PLCL1: variants seen among roughly 807,000 people sequenced by gnomAD.
The protein encoded by PLCL1 is inactive phospholipase C-like protein 1.
Under a neutral mutation model 84.4 loss-of-function variants are expected in PLCL1, and 41 were observed. That is an observed-to-expected ratio of 0.49 (90% confidence interval 0.38 to 0.63). The LOEUF (loss-of-function observed/expected upper bound fraction) is 0.63. Among genes scored for constraint, PLCL1 ranks in the 30% least tolerant of loss-of-function variants. PLCL1 has a pLI of 0.00. For synonymous variants in PLCL1, 490 were observed against 488.3 expected, an observed-to-expected ratio of 1.00 and a Z score of -0.05; for missense variants, 1,206 against 1,367.8, an observed-to-expected ratio of 0.88 and a Z score of 1.87.
At chr2:198,087,064 A>G (rs538403823) in intron 2 of PLCL1, among the ~76,000 whole-genome samples, 297 of 152,330 alleles carry the variant, frequency 1.9e-3, no homozygotes, top group Non-Finnish European at 3.3e-3. Context: ...AACAAAAAAA[A>G]TTGGCACTCA....
At chr2:197,865,294 T>C (rs2105698240) in intron 1 of PLCL1, among the ~76,000 whole-genome samples, 1 of 152,264 alleles carries the variant, frequency 6.6e-6, no homozygotes, top group South Asian at 2.1e-4. Context: ...AGGTTGTATA[T>C]TATAAGGAGC....
intron 1 of PLCL1, among the ~76,000 whole-genome samples, chr2:197,951,594 T>C (rs1440517499): frequency 6.6e-6 from 1 of 152,200 alleles, no homozygotes; most frequent in Non-Finnish European, 1.5e-5. Flanking sequence ...GCATACCTCC[T>C]GTAGTTTGAG....
At chr2:198,121,571 C>T (rs1693867896) in intron 5 of PLCL1, among the ~76,000 whole-genome samples, 1 of 151,908 alleles carries the variant, frequency 6.6e-6, no homozygotes, top group Non-Finnish European at 1.5e-5. Context: ...CTGTCTCTTC[C>T]CCATTGTATG....
intron 1 of PLCL1, among the ~76,000 whole-genome samples, chr2:198,060,894 T>C (rs1006580289): frequency 6.6e-6 from 1 of 152,184 alleles, no homozygotes; most frequent in African/African-American, 2.4e-5. Context: ...AATCGGATTG[T>C]CTCAGGATCA....
intron 1 of PLCL1, among the ~76,000 whole-genome samples, chr2:197,850,289 C>T (rs1399958376): frequency 2.0e-5 from 3 of 152,186 alleles, no homozygotes; most frequent in South Asian, 4.1e-4. Flanking sequence ...ACCATTTCCC[C>T]TTGTCCCAAG....
chr2:197,923,902 TC>T lies in PLCL1; in HGVS notation c.240+118566del, dbSNP rs559297352. ...TGAGTGAACGAGACTCCGTCTGCAA[TC>T]CCGGCACCTCGGGAGGCCAAGGCTG... is the stretch of plus-strand genomic sequence containing the variant. On this transcript the variant is annotated intron_variant, in intron 1 of 5. Transcript: ENST00000428675. Among the ~76,000 whole-genome samples, 367 of 151,254 alleles carry T rather than the reference TC, an allele frequency of 2.4e-3. 1 individual carries two copies. Among genetic ancestry groups the T allele is most frequent in the African/African-American group, 8.5e-3 (350 of 41,364 alleles).
At chr2:197,965,492 TC>T (rs2105792926) in intron 1 of PLCL1, among the ~76,000 whole-genome samples, 1 of 152,194 alleles carries the variant, frequency 6.6e-6, no homozygotes, top group South Asian at 2.1e-4. Flanking sequence ...TTGTTTTTAA[TC>T]TTTTCAAAAA....
chr2:198,143,401 C>A (rs1694435730), intron 5 of PLCL1, among the ~76,000 whole-genome samples: 1 of 152,170 alleles, frequency 6.6e-6, no homozygotes. Context: ...TCACAGGTCA[C>A]AGGGACTGGT....
chr2:198,034,908 C>T (rs770460356), intron 1 of PLCL1, among the ~76,000 whole-genome samples: 12 of 152,098 alleles, frequency 7.9e-5, no homozygotes, highest in Non-Finnish European at 1.6e-4. Context: ...TTGGGTTAAT[C>T]TGATGTTGTT....
chr2:197,837,151 T>C (rs1228054488), intron 1 of PLCL1, among the ~76,000 whole-genome samples: 2 of 152,170 alleles, frequency 1.3e-5, no homozygotes, highest in Non-Finnish European at 2.9e-5. Flanking sequence ...GTTCAGAAGG[T>C]CAGAGTCATG....
chr2:197,817,646 C>T (rs747438151), intron 1 of PLCL1, among the ~76,000 whole-genome samples: 3 of 151,944 alleles, frequency 2.0e-5, no homozygotes, highest in Non-Finnish European at 4.4e-5. Context: ...CCAGAGACAT[C>T]GTCATCAAAG....
At chr2:198,137,989 T>C (rs1480111109) in intron 5 of PLCL1, among the ~76,000 whole-genome samples, 1 of 151,990 alleles carries the variant, frequency 6.6e-6, no homozygotes, top group African/African-American at 2.4e-5. Context: ...TGGCATTTAG[T>C]GGAAACAGAC....
chr2:197,930,796 A>T (rs1387676931), intron 1 of PLCL1, among the ~76,000 whole-genome samples: 2 of 152,210 alleles, frequency 1.3e-5, no homozygotes, highest in East Asian at 1.9e-4. Flanking sequence ...TTTTATTAAT[A>T]ACATTTTTAA....
At chr2:198,044,914 G>GT in intron 1 of PLCL1, among the ~76,000 whole-genome samples, 1 of 152,112 alleles carries the variant, frequency 6.6e-6, no homozygotes, top group Non-Finnish European at 1.5e-5. Flanking sequence ...AAGCAAAGGT[G>GT]TTAGAAGTAG....
chr2:197,988,300 G>A (rs141223112), intron 1 of PLCL1, among the ~76,000 whole-genome samples: 190 of 152,260 alleles, frequency 1.2e-3, no homozygotes, highest in African/African-American at 4.2e-3. Flanking sequence ...TTGTATAGTG[G>A]TGAAGTCTGA....
intron 1 of PLCL1, among the ~76,000 whole-genome samples, chr2:197,970,482 T>G (rs1456655314): frequency 2.0e-5 from 3 of 152,222 alleles, no homozygotes; most frequent in Non-Finnish European, 4.4e-5. Context: ...GGAGATATAC[T>G]ATAAGTGTAA....
chr2:197,824,361 C>CT (rs912795237), intron 1 of PLCL1, among the ~76,000 whole-genome samples: 96 of 147,830 alleles, frequency 6.5e-4, no homozygotes, highest in Non-Finnish European at 1.1e-3. Context: ...CTTCATACTC[C>CT]TTTTTTTTTT....
At chr2:198,108,706 T>C (rs1169467976) in intron 5 of PLCL1, among the ~76,000 whole-genome samples, 1 of 152,090 alleles carries the variant, frequency 6.6e-6, no homozygotes, top group East Asian at 1.9e-4. Context: ...ACTTAGTATT[T>C]AGCAAGGAAA....
intron 1 of PLCL1, among the ~76,000 whole-genome samples, chr2:197,925,402 A>G (rs1286110193): frequency 2.6e-5 from 4 of 152,108 alleles, no homozygotes; most frequent in African/African-American, 9.7e-5. Flanking sequence ...TCTGAGAAGA[A>G]ATTTCTTCCC....
Sources: gnomAD v4.1 joint callset for allele counts (sites outside exome capture counted in the v4.1 genomes callset) on GRCh38, gnomAD v4.1.1 for gene constraint, MANE v1.5 for transcripts, NCBI Gene and HGNC (gene_info 2026-07-23, HGNC 2026-07-21) for gene names.